The following SLC15A1 variants were observed in gnomAD, a reference collection of about 807,000 sequenced individuals.
SLC15A1 encodes the protein solute carrier family 15 member 1.
In SLC15A1, 83 loss-of-function variants were observed where a neutral mutation model predicts 92.9. The observed-to-expected ratio is 0.89, with a 90% CI of 0.75 to 1.07. SLC15A1 has a LOEUF of 1.07. Ranked by LOEUF, SLC15A1 falls within the 50% of genes least tolerant of loss-of-function variation. The pLI is 0.00. For synonymous variants in SLC15A1, 322 were observed against 318.2 expected (o/e 1.01, Z -0.13); for missense variants, 857 against 880.1 (o/e 0.97, Z 0.33).
In SLC15A1 at chr13:98,719,257, G is replaced by A; in HGVS notation, c.620C>T (p.Ala207Val). The change falls in exon 8 of 23, where the codon GCT (alanine) becomes GTT (valine). Residue 207 changes from alanine to valine, a missense_variant. Physicochemically the swap from Ala to Val is moderately conservative, Grantham distance 64 (BLOSUM62 0). Coordinates refer to ENST00000376503, the MANE Select transcript of SLC15A1 (RefSeq NM_005073.4). ...CYPLAFGVPA[A>V]LMAVALIVFV... Reference sequence around the variant, plus strand: ...CTTACTCAGGGCTACAGCCATGAGAGCAGCAGGAACCCCAAAGGCCAGTGG... The same window carrying A: ...CTTACTCAGGGCTACAGCCATGAGAACAGCAGGAACCCCAAAGGCCAGTGG... 1 of 1,613,558 alleles carries A rather than the reference G, an allele frequency of 6.2e-7. No homozygotes were observed. The highest frequency in any genetic ancestry group is 8.5e-7 in the Non-Finnish European group (1 of 1,179,536).
At chr13:98,718,793 G>C (rs1225228741) in intron 8 of SLC15A1, among the ~76,000 whole-genome samples, 1 of 152,180 alleles carries the variant, frequency 6.6e-6, no homozygotes, top group African/African-American at 2.4e-5. Context: ...TGGGCGACAA[G>C]AGCAAGACTC....
intron 1 of SLC15A1, among the ~76,000 whole-genome samples, chr13:98,743,642 C>G (rs1395929346): frequency 6.6e-6 from 1 of 152,136 alleles, no homozygotes; most frequent in African/African-American, 2.4e-5. Context: ...AGTCCTGCCT[C>G]AGGTAGAGGC....
chr13:98,714,826 T>C (rs966030958), intron 9 of SLC15A1, among the ~76,000 whole-genome samples: 1 of 151,972 alleles, frequency 6.6e-6, no homozygotes, highest in African/African-American at 2.4e-5. Context: ...TTATACAACA[T>C]ATACAGTATG....
intron 1 of SLC15A1, among the ~76,000 whole-genome samples, chr13:98,746,005 T>G (rs1188561834): frequency 6.6e-6 from 1 of 152,160 alleles, no homozygotes; most frequent in African/African-American, 2.4e-5. Flanking sequence ...ATAGTTGGTT[T>G]TTTCCAAACA....
chr13:98,708,410 T>C (rs1171360184), intron 15 of SLC15A1, among the ~76,000 whole-genome samples: 2 of 152,198 alleles, frequency 1.3e-5, no homozygotes, highest in African/African-American at 4.8e-5. Context: ...TCCCTGGGAG[T>C]TCAGATTGTG....
At chr13:98,702,837 G>T (rs2088079205) in intron 17 of SLC15A1, among the ~76,000 whole-genome samples, 1 of 151,820 alleles carries the variant, frequency 6.6e-6, no homozygotes, top group South Asian at 2.1e-4. Context: ...AGTTGTAGCT[G>T]CTCAGGAAGC....
rs550333390 is a variant in SLC15A1, at chr13:98,703,443, T to G, written c.1416+846A>C. On this transcript the variant is annotated intron_variant, in intron 17 of 22. Transcript: ENST00000376503. ...CAAGAGTCTTAATTCCATATTGCAGTTCCGTAGAAGCTCACTGAAATGCAC... is the reference window on the plus strand; with the variant it reads ...CAAGAGTCTTAATTCCATATTGCAGGTCCGTAGAAGCTCACTGAAATGCAC... 2.0e-5 allele frequency among the ~76,000 whole-genome samples: 3 copies of G among 151,630 alleles called. No homozygotes were observed. The East Asian group carries it at 5.9e-4, about 30-fold the overall frequency.
At position 98,686,260 on chromosome 13, in the gene SLC15A1, CA is replaced by C; in HGVS notation, c.1864del (p.Trp622GlyfsTer3). On this transcript the variant is annotated frameshift_variant, in exon 22 of 23. Coordinates refer to ENST00000376503, the MANE Select transcript of SLC15A1 (RefSeq NM_005073.4). LOFTEE classifies it high-confidence loss of function. ...GTTGCCAACAGCCACGGTCAGCAGCCATCCTGCCTGAAGCACCGACTTCATG... is the reference window on the plus strand; with the variant it reads ...GTTGCCAACAGCCACGGTCAGCAGCCTCCTGCCTGAAGCACCGACTTCATG... ...SNMKSVLQAG[W>X]LLTVAVGNII... 6.2e-7 allele frequency: 1 copy of C among 1,613,440 alleles called. No individual in the cohort carries two copies. Among genetic ancestry groups the C allele is most frequent in the Non-Finnish European group, 8.5e-7 (1 of 1,179,784 alleles).
chr13:98,721,484 G>T lies in SLC15A1; in HGVS notation c.556+11C>A. ...AAAGACCAACAGAAGTTCCTTTCAG[G>T]TATCTCTTACCTCTGAGCATGGGTG... On this transcript the variant is annotated intron_variant, in intron 7 of 22. Coordinates refer to ENST00000376503, the MANE Select transcript of SLC15A1 (RefSeq NM_005073.4). 6.3e-7 allele frequency: 1 copy of T among 1,598,188 alleles called. No homozygotes were observed. The highest frequency in any genetic ancestry group is 8.6e-7 in the Non-Finnish European group (1 of 1,165,748).
rs570335161 is a variant in SLC15A1 at position 98,686,171 on chromosome 13, C to A, written c.1935+19G>T. On this transcript the variant is annotated intron_variant, in intron 22 of 22. Coordinates refer to ENST00000376503, the MANE Select transcript of SLC15A1 (RefSeq NM_005073.4). ...CAGGAAAGACAGAGGTATGTGCAAT[C>A]TCCTCTCCCACGCCATACCTGTTTG... is the stretch of plus-strand genomic sequence containing the variant. The A allele has an allele frequency of 1.6e-5, 25 of 1,570,126 alleles. No homozygotes were observed. The East Asian group carries it at 4.9e-4, about 31-fold the overall frequency.
intron 18 of SLC15A1, among the ~76,000 whole-genome samples, chr13:98,691,137 AG>A (rs1274400620): frequency 4.6e-5 from 7 of 151,776 alleles, no homozygotes; most frequent in Non-Finnish European, 5.9e-5. Context: ...TCCGCCTCCC[AG>A]GTTCAAGTGA....
intron 1 of SLC15A1, among the ~76,000 whole-genome samples, chr13:98,744,616 GCAT>G (rs2088477682): frequency 6.6e-6 from 1 of 151,872 alleles, no homozygotes; most frequent in Non-Finnish European, 1.5e-5. Context: ...GGGCGTGGTG[GCAT>G]GTGCCTGTAA....
chr13:98,692,021 C>T (rs1436534346), intron 18 of SLC15A1, among the ~76,000 whole-genome samples: 7 of 150,794 alleles, frequency 4.6e-5, no homozygotes, highest in Admixed American at 3.3e-4. Context: ...TGCGGTGAGC[C>T]GAGATCGCAC....
At chr13:98,702,427 C>T (rs1207687440) in intron 18 of SLC15A1, 53 bp downstream of exon 18, 1 of 1,140,340 alleles carries the variant, frequency 8.8e-7, no homozygotes, top group East Asian at 2.3e-5. Flanking sequence ...TATGGGTATG[C>T]ATTACTTTCA....
At chr13:98,689,304 A>G (rs1297131678) in intron 18 of SLC15A1, among the ~76,000 whole-genome samples, 1 of 151,894 alleles carries the variant, frequency 6.6e-6, no homozygotes, top group East Asian at 1.9e-4. Context: ...TAAAAGATAG[A>G]CCCCAGTTCC....
At chr13:98,738,653 T>G (rs1228891173) in intron 1 of SLC15A1, among the ~76,000 whole-genome samples, 1 of 152,234 alleles carries the variant, frequency 6.6e-6, no homozygotes, top group Non-Finnish European at 1.5e-5. Context: ...GAGGGAGGCT[T>G]GGGAGTCTCT....
chr13:98,704,670 T>C (rs548806452), intron 16 of SLC15A1, among the ~76,000 whole-genome samples: 2 of 152,326 alleles, frequency 1.3e-5, no homozygotes, highest in African/African-American at 4.8e-5. Context: ...ACCAAGCATC[T>C]TACTTTTATT....
chr13:98,737,927 G>C, intron 1 of SLC15A1, among the ~76,000 whole-genome samples: 1 of 152,198 alleles, frequency 6.6e-6, no homozygotes, highest in East Asian at 1.9e-4. Context: ...GACTGTGAAG[G>C]TCAGGCTGAA....
intron 1 of SLC15A1, among the ~76,000 whole-genome samples, chr13:98,750,358 G>A (rs868425841): frequency 5.9e-5 from 9 of 152,196 alleles, no homozygotes; most frequent in Middle Eastern, 6.8e-3. Flanking sequence ...TGATCCGCCC[G>A]CCTCGGCCTC....
Sources: gnomAD v4.1 joint callset for allele counts (sites outside exome capture counted in the v4.1 genomes callset) on GRCh38, gnomAD v4.1.1 for gene constraint, MANE v1.5 for transcripts, NCBI Gene and HGNC (gene_info 2026-07-23, HGNC 2026-07-21) for gene names.